Variants in ITGA9 observed in about 807,000 individuals in gnomAD.
The protein encoded by ITGA9 is integrin alpha-9.
A neutral mutation model predicts 127.8 loss-of-function variants in ITGA9; 56 were observed. That is an observed-to-expected ratio of 0.44 (90% CI 0.35 to 0.55). The LOEUF is 0.55. ITGA9 is among the 20% of genes least tolerant of loss of function. The probability of loss-of-function intolerance (pLI) is 0.00; values close to 1 mark genes in which losing one functional copy is unlikely to be tolerated. For missense variants in ITGA9, 1,196 were observed against 1,347.1 expected, an observed-to-expected ratio of 0.89 and a Z score of 1.76; for synonymous variants, 508 against 514.5, an observed-to-expected ratio of 0.99 and a Z score of 0.17.
chr3:37,743,350 A>G (rs905947199), intron 21 of ITGA9, among the ~76,000 whole-genome samples: 4 of 152,178 alleles, frequency 2.6e-5, no homozygotes, highest in Admixed American at 6.5e-5. Flanking sequence ...CATATAAGCA[A>G]CATTGAAAGC....
In ITGA9 at chr3:37,787,900, G is replaced by A. The variant is rs113781313; in HGVS notation, c.2889+2822G>A. ...ACAATCAGATTTTTAACCACATAAC[G>A]TGTGCACGGTGGTAAATTTAACTGA... On this transcript the variant is annotated intron_variant, in intron 26 of 27. Transcript: ENST00000264741. 1.4e-3 allele frequency among the ~76,000 whole-genome samples: 207 copies of A among 152,314 alleles called. 3 individuals are homozygous for A. Among genetic ancestry groups the A allele is most frequent in the African/African-American group, 4.4e-3 (181 of 41,568 alleles).
intron 22 of ITGA9, 117 bp downstream of exon 22, chr3:37,744,151 G>A (rs1696472612): frequency 1.3e-6 from 1 of 761,490 alleles, no homozygotes; most frequent in Non-Finnish European, 2.4e-6. Flanking sequence ...GTTGGCTGGT[G>A]TGGTGTGTGT....
At chr3:37,736,800 T>C (rs1012172861) in intron 19 of ITGA9, 104 bp from the exon 20 acceptor site, 12 of 794,314 alleles carry the variant, frequency 1.5e-5, no homozygotes, top group South Asian at 1.1e-4. Context: ...CTAAAGCTTA[T>C]CATGCAAATG....
At chr3:37,647,880 A>G (rs1174449565) in intron 16 of ITGA9, among the ~76,000 whole-genome samples, 1 of 152,046 alleles carries the variant, frequency 6.6e-6, no homozygotes, top group African/African-American at 2.4e-5. Context: ...TGTGTGTAGT[A>G]TATATACATA....
chr3:37,803,861 C>T lies in ITGA9; in HGVS notation c.2928C>T (p.Gly976=). 1 of 1,614,184 alleles carries T rather than the reference C, an allele frequency of 6.2e-7. No homozygotes were observed. The highest frequency in any genetic ancestry group is 8.5e-7 in the Non-Finnish European group (1 of 1,180,020). The change falls in exon 27 of 28, where the codon GGC becomes GGT. Residue 976 remains glycine (G), a synonymous_variant. Coordinates refer to ENST00000264741, the MANE Select transcript of ITGA9 (RefSeq NM_002207.3). ...FEALHNLEPR[G]YVVGWIIAIS... is the part of the protein sequence containing the mutation. ...CCCTGCACAATCTGGAGCCCCGTGG[C>T]TACGTCGTGGGGTGGATCATCGCCA...
At chr3:37,756,765 A>C (rs1447593974) in intron 23 of ITGA9, among the ~76,000 whole-genome samples, 3 of 152,218 alleles carry the variant, frequency 2.0e-5, no homozygotes, top group Non-Finnish European at 4.4e-5. Flanking sequence ...ACAACACAAA[A>C]ATAAGCATCA....
intron 18 of ITGA9, among the ~76,000 whole-genome samples, chr3:37,719,300 G>A (rs1177555534): frequency 1.3e-5 from 2 of 152,180 alleles, no homozygotes; most frequent in Non-Finnish European, 2.9e-5. Context: ...GTGCCAACCC[G>A]AGGGAAGAGA....
At position 37,761,716 on chromosome 3, in the gene ITGA9, T is replaced by C. The variant is rs181584638; in HGVS notation, c.2541+11147T>C. ...CTTAACAGTGGGGTTCACTGTGAAATAGGAGTTCAGCAGGACTTGTTTCTC... is the reference window on the plus strand; with the variant it reads ...CTTAACAGTGGGGTTCACTGTGAAACAGGAGTTCAGCAGGACTTGTTTCTC... On this transcript the variant is annotated intron_variant, in intron 23 of 27. Transcript: ENST00000264741. Among the ~76,000 whole-genome samples the C allele has an allele frequency of 3.4e-3, 524 of 152,268 alleles. 3 individuals are homozygous for C. Among genetic ancestry groups the C allele is most frequent in the Non-Finnish European group, 4.8e-3 (327 of 68,018 alleles).
intron 4 of ITGA9, among the ~76,000 whole-genome samples, chr3:37,484,211 G>T (rs1488805388): frequency 6.6e-6 from 1 of 152,176 alleles, no homozygotes; most frequent in Admixed American, 6.5e-5. Context: ...GCTGGCATGT[G>T]GAGTATTGGG....
rs1475345627 is a variant in ITGA9 at position 37,806,401 on chromosome 3, C to G, written c.3009+2459C>G. On this transcript the variant is annotated intron_variant, in intron 27 of 27. Coordinates refer to ENST00000264741, the MANE Select transcript of ITGA9 (RefSeq NM_002207.3). This position sits in a 1 kb window ranked among gnomAD's most constrained non-coding sequence, Gnocchi z 4.3. Reference sequence around the variant, plus strand: ...TTATGGCTGGGTGTGTGGAACCAGACAGGGCACAGAGTGGGGAGTGTTGTG... The same window carrying G: ...TTATGGCTGGGTGTGTGGAACCAGAGAGGGCACAGAGTGGGGAGTGTTGTG... The G allele has an allele frequency of 6.6e-6, 1 of 152,132 alleles. No individual in the cohort carries two copies. Among genetic ancestry groups the G allele is most frequent in the Non-Finnish European group, 1.5e-5 (1 of 68,084 alleles). 9.4% of individuals were successfully genotyped at this position (152,132 alleles called of 1,614,324 possible).
At position 37,452,565 on chromosome 3, in the gene ITGA9, T is replaced by G; in HGVS notation, c.185+6T>G. ...TTCCACGACAACACGCGCTGGTGAGTGCCCGCCCGACTCCGCGACCCTGGC... is the reference window on the plus strand; with the variant it reads ...TTCCACGACAACACGCGCTGGTGAGGGCCCGCCCGACTCCGCGACCCTGGC... On this transcript the variant is annotated splice_donor_region_variant and intron_variant, in intron 1 of 27. Transcript: ENST00000264741. The surrounding 1 kb of genome is among the most constrained non-coding windows in gnomAD (Gnocchi z 7.3). 2 of 1,510,604 alleles carry G rather than the reference T, an allele frequency of 1.3e-6. No individual in the cohort carries two copies. The highest frequency in any genetic ancestry group is 1.8e-6 in the Non-Finnish European group (2 of 1,128,434). 93.6% of individuals were successfully genotyped at this position (1,510,604 alleles called of 1,614,324 possible).
chr3:37,755,041 A>T (rs1211603991), intron 23 of ITGA9, among the ~76,000 whole-genome samples: 1 of 152,190 alleles, frequency 6.6e-6, no homozygotes, highest in African/African-American at 2.4e-5. Flanking sequence ...AAGAGTAAAG[A>T]AATTACTCCT....
chr3:37,475,618 A>G (rs1698485785), intron 3 of ITGA9, among the ~76,000 whole-genome samples: 1 of 152,208 alleles, frequency 6.6e-6, no homozygotes, highest in African/African-American at 2.4e-5. Flanking sequence ...TGTTTTATGA[A>G]GTTATTGCAT....
chr3:37,489,642 G>A lies in ITGA9; in HGVS notation c.545-4859G>A, dbSNP rs115161175. On this transcript the variant is annotated intron_variant, in intron 4 of 27. Transcript: ENST00000264741. ...TCCCCCATTTATATGGTGGTCCCTTGTAAACTGAGGGTAGTTTTATTCTCT... is the reference window on the plus strand; with the variant it reads ...TCCCCCATTTATATGGTGGTCCCTTATAAACTGAGGGTAGTTTTATTCTCT... 3.6e-3 allele frequency among the ~76,000 whole-genome samples: 535 copies of A among 148,092 alleles called. 2 individuals carry two copies. The highest frequency in any genetic ancestry group is 0.013 in the African/African-American group (510 of 40,314).
chr3:37,495,929 A>G (rs1349761712), intron 5 of ITGA9, among the ~76,000 whole-genome samples: 1 of 152,126 alleles, frequency 6.6e-6, no homozygotes, highest in Admixed American at 6.6e-5. Context: ...GGAGGATTAC[A>G]ATGTAAAGCT....
chr3:37,774,607 G>T (rs1171282934), intron 23 of ITGA9, among the ~76,000 whole-genome samples: 1 of 151,582 alleles, frequency 6.6e-6, no homozygotes, highest in Non-Finnish European at 1.5e-5. Context: ...TGTGCCTATA[G>T]TCCCAGCTAC....
Position 37,519,221 on chromosome 3 carries a change from A to T in ITGA9, c.1142-39A>T, listed in dbSNP as rs1699020019. On this transcript the variant is annotated intron_variant, in intron 10 of 27. Coordinates refer to ENST00000264741, the MANE Select transcript of ITGA9 (RefSeq NM_002207.3). ...TAGGGAAGCTGCACTTGTATTATTAATGTGGCTTTTTAACCCATAGCTGTT... is the reference window on the plus strand; with the variant it reads ...TAGGGAAGCTGCACTTGTATTATTATTGTGGCTTTTTAACCCATAGCTGTT... 5.4e-6 allele frequency: 8 copies of T among 1,475,796 alleles called. No homozygotes were observed. The East Asian group carries it at 1.8e-4, about 33-fold the overall frequency. The allele number at this position is 1,475,796 out of a possible 1,614,324, so 91.4% of individuals were successfully genotyped here.
intron 22 of ITGA9, among the ~76,000 whole-genome samples, chr3:37,744,984 G>A (rs924733749): frequency 6.6e-6 from 1 of 152,208 alleles, no homozygotes; most frequent in Non-Finnish European, 1.5e-5. Flanking sequence ...GGACACAACA[G>A]TCCATATCTC....
intron 16 of ITGA9, among the ~76,000 whole-genome samples, chr3:37,650,612 A>G (rs577724301): frequency 6.6e-6 from 1 of 152,080 alleles, no homozygotes; most frequent in Admixed American, 6.6e-5. Context: ...TTGCATTTTT[A>G]GTAGAGACAG....
Sources: allele counts gnomAD v4.1 joint callset (sites outside exome capture counted in the v4.1 genomes callset), GRCh38; gene constraint gnomAD v4.1.1; non-coding constraint Gnocchi (gnomAD v3.1); transcripts MANE v1.5; gene names NCBI Gene and HGNC (gene_info 2026-07-23, HGNC 2026-07-21).